The following KCNQ3 variants were observed in gnomAD, a reference collection of about 807,000 sequenced individuals.
KCNQ3 encodes the protein potassium voltage-gated channel subfamily Q member 3.
KCNQ3 carries 30 observed loss-of-function variants against 92.5 expected under a neutral mutation model. The ratio of observed to expected loss-of-function variants is 0.32; its 90% confidence interval spans 0.24 to 0.44. KCNQ3 has a LOEUF of 0.44. Among genes scored for constraint, KCNQ3 ranks in the 20% least tolerant of loss-of-function variants. The pLI is 1.00. For synonymous variants in KCNQ3, 450 were observed against 468.8 expected, an observed-to-expected ratio of 0.96 and a Z score of 0.52; for missense variants, 913 against 1,140.3, an observed-to-expected ratio of 0.80 and a Z score of 2.87.
chr8:132,476,433 C>T (rs745406813), intron 1 of KCNQ3, among the ~76,000 whole-genome samples: 1 of 152,194 alleles, frequency 6.6e-6, no homozygotes. Context: ...GGAGTTGAAC[C>T]CTGTAGAGTC....
intron 14 of KCNQ3, among the ~76,000 whole-genome samples, chr8:132,130,496 C>A (rs1175395337): frequency 1.3e-5 from 2 of 152,122 alleles, no homozygotes; most frequent in Non-Finnish European, 2.9e-5. Flanking sequence ...CCTTGCACAC[C>A]AGGTATTAAT....
chr8:132,143,029 AC>A (rs1295406793), intron 9 of KCNQ3, among the ~76,000 whole-genome samples: 3 of 152,272 alleles, frequency 2.0e-5, no homozygotes, highest in African/African-American at 7.2e-5. Context: ...GCATTAAGAA[AC>A]CTTTGAAAAA....
chr8:132,142,090 A>G (rs1317777545), intron 9 of KCNQ3, among the ~76,000 whole-genome samples: 1 of 152,214 alleles, frequency 6.6e-6, no homozygotes, highest in Non-Finnish European at 1.5e-5. Context: ...ATGCACATAT[A>G]TGACTACATC....
rs1344267483 is a variant in KCNQ3 at position 132,180,218 on chromosome 8, C to T, written c.716G>A (p.Arg239Gln). ...LRFLQILRML[R>Q]MDRRGGTWKL... ...CCAGGTGCCACCTCTCCGGTCCATC[C>T]GCAGCATGCGCAGGATCTGCAGGAA... Residue 239 changes from arginine (R) to glutamine (Q), a missense_variant, in exon 4 of 15, where the codon CGG (arginine) becomes CAG (glutamine). Physicochemically the swap from Arg to Gln is conservative, Grantham distance 43 (BLOSUM62 1). Around this residue, in one of 6 missense-constraint regions of KCNQ3, gnomAD observed 100 missense variants for 217.6 expected, o/e 0.46. Transcript: ENST00000388996. 6.2e-7 allele frequency: 1 copy of T among 1,614,198 alleles called. No homozygotes were observed. Among genetic ancestry groups the T allele is most frequent in the South Asian group, 1.1e-5 (1 of 91,090 alleles).
At chr8:132,140,311 C>G in intron 10 of KCNQ3, 133 bp from the exon 11 acceptor site, 1 of 641,110 alleles carries the variant, frequency 1.6e-6, no homozygotes, top group South Asian at 1.8e-5. Flanking sequence ...CGTTGCAAGA[C>G]TCCACGGTAT....
At chr8:132,140,363 T>C (rs561440318) in intron 10 of KCNQ3, 185 bp from the exon 11 acceptor site, 29 of 578,486 alleles carry the variant, frequency 5.0e-5, no homozygotes, top group Admixed American at 1.6e-4. Flanking sequence ...GGCACCCTCA[T>C]TCTATTACCC....
At chr8:132,378,322 G>T (rs546614819) in intron 1 of KCNQ3, among the ~76,000 whole-genome samples, 1 of 152,042 alleles carries the variant, frequency 6.6e-6, no homozygotes, top group Admixed American at 6.5e-5. Flanking sequence ...AACTTGGGAG[G>T]CAGAGGTTGC....
At chr8:132,179,932 C>T (rs41272379) in intron 4 of KCNQ3, among the ~76,000 whole-genome samples, 1 of 152,122 alleles carries the variant, frequency 6.6e-6, no homozygotes, top group African/African-American at 2.4e-5. Context: ...GGAGCCAATA[C>T]CTAACCTCAG....
chr8:132,130,569 C>T (rs1374636316), intron 14 of KCNQ3, among the ~76,000 whole-genome samples: 1 of 152,144 alleles, frequency 6.6e-6, no homozygotes, highest in African/African-American at 2.4e-5. Flanking sequence ...CAGAGAGATG[C>T]TTTGAAGTGT....
At chr8:132,200,245 C>A (rs542699741) in intron 1 of KCNQ3, among the ~76,000 whole-genome samples, 3 of 152,296 alleles carry the variant, frequency 2.0e-5, no homozygotes, top group Admixed American at 6.5e-5. Context: ...GACCACCTAA[C>A]CCAGGTGTTA....
chr8:132,166,561 T>G (rs963882765), intron 8 of KCNQ3, among the ~76,000 whole-genome samples: 1 of 152,160 alleles, frequency 6.6e-6, no homozygotes, highest in African/African-American at 2.4e-5. Context: ...GGCCTGAACT[T>G]CTTGGGGGTT....
intron 1 of KCNQ3, among the ~76,000 whole-genome samples, chr8:132,201,793 C>G (rs1472027671): frequency 6.6e-6 from 1 of 152,076 alleles, no homozygotes; most frequent in African/African-American, 2.4e-5. Flanking sequence ...TCCTATAGTT[C>G]TGGGGTCTCA....
chr8:132,480,113 C>A, intron 1 of KCNQ3, 34 bp downstream of exon 1: 1 of 1,599,114 alleles, frequency 6.3e-7, no homozygotes, highest in Non-Finnish European at 8.5e-7. Flanking sequence ...AAGCGCGCCG[C>A]CGCCGAGGGC....
intron 1 of KCNQ3, among the ~76,000 whole-genome samples, chr8:132,352,924 T>C (rs969462408): frequency 6.6e-6 from 1 of 152,116 alleles, no homozygotes; most frequent in Non-Finnish European, 1.5e-5. Context: ...CTGGTTTGGA[T>C]TCATGGAAGG....
intron 1 of KCNQ3, among the ~76,000 whole-genome samples, chr8:132,467,623 C>A (rs572559709): frequency 2.6e-4 from 40 of 152,332 alleles, no homozygotes; most frequent in African/African-American, 9.4e-4. Context: ...CCTGCGTTTA[C>A]TCCTCCTACT....
At chr8:132,170,084 G>C (rs1460840467) in intron 8 of KCNQ3, among the ~76,000 whole-genome samples, 2 of 152,154 alleles carry the variant, frequency 1.3e-5, no homozygotes, top group East Asian at 3.9e-4. Context: ...TGTTGGCCAG[G>C]CTGGTATGGA....
At chr8:132,252,750 T>C (rs941145201) in intron 1 of KCNQ3, among the ~76,000 whole-genome samples, 21 of 152,118 alleles carry the variant, frequency 1.4e-4, no homozygotes. Context: ...GCATTTACAA[T>C]CCTTTAACTA....
chr8:132,267,178 C>T (rs1393303586), intron 1 of KCNQ3, among the ~76,000 whole-genome samples: 1 of 152,070 alleles, frequency 6.6e-6, no homozygotes, highest in Non-Finnish European at 1.5e-5. Flanking sequence ...TTCCACTAAA[C>T]ATAAAAAAAG....
chr8:132,356,640 C>T (rs1253010536), intron 1 of KCNQ3, among the ~76,000 whole-genome samples: 1 of 152,212 alleles, frequency 6.6e-6, no homozygotes, highest in Admixed American at 6.5e-5. Flanking sequence ...AAGCTGGCAT[C>T]TACGAGACCC....
Sources: allele counts gnomAD v4.1 joint callset (sites outside exome capture counted in the v4.1 genomes callset), GRCh38; gene constraint gnomAD v4.1.1; regional missense constraint gnomAD v4.1.1; transcripts MANE v1.5; gene names NCBI Gene and HGNC (gene_info 2026-07-23, HGNC 2026-07-21).